BTRC: variants seen among roughly 807,000 people sequenced by gnomAD.
The protein encoded by BTRC is beta-transducin repeat containing E3 ubiquitin protein ligase, also known as F-box/WD repeat-containing protein 1A.
In BTRC, 42 loss-of-function variants were observed where a neutral mutation model predicts 85.5. The observed-to-expected ratio is 0.49, with a 90% CI of 0.38 to 0.64. The LOEUF (loss-of-function observed/expected upper bound fraction) is 0.64. BTRC is among the 30% of genes least tolerant of loss of function. BTRC has a pLI of 0.00. For missense variants in BTRC, 594 were observed against 743.5 expected, an observed-to-expected ratio of 0.80 and a Z score of 2.34; for synonymous variants, 255 against 263.3, an observed-to-expected ratio of 0.97 and a Z score of 0.30.
intron 1 of BTRC, among the ~76,000 whole-genome samples, chr10:101,359,192 A>G (rs925467661): frequency 6.6e-6 from 1 of 152,216 alleles, no homozygotes; most frequent in Non-Finnish European, 1.5e-5. Context: ...TAAACAGATT[A>G]CATTTTAAAA....
At chr10:101,504,826 G>T (rs1231770002) in intron 4 of BTRC, among the ~76,000 whole-genome samples, 1 of 151,680 alleles carries the variant, frequency 6.6e-6, no homozygotes, top group Admixed American at 6.6e-5. Flanking sequence ...TAACAGCAAA[G>T]ATTAATTTTG....
At chr10:101,409,524 G>A (rs901546257) in intron 1 of BTRC, among the ~76,000 whole-genome samples, 1 of 152,138 alleles carries the variant, frequency 6.6e-6, no homozygotes, top group Non-Finnish European at 1.5e-5. Context: ...GTCATCTAGT[G>A]TACTTACACA....
chr10:101,535,577 CTG>C, intron 11 of BTRC, 105 bp downstream of exon 11: 1 of 772,396 alleles, frequency 1.3e-6, no homozygotes, highest in Non-Finnish European at 2.0e-6. Flanking sequence ...TTATAATCAA[CTG>C]TTTTTCCTTT....
At chr10:101,404,181 C>T (rs1010161504) in intron 1 of BTRC, among the ~76,000 whole-genome samples, 1 of 151,252 alleles carries the variant, frequency 6.6e-6, no homozygotes, top group African/African-American at 2.4e-5. Context: ...CAGGTGCCCG[C>T]CATCATGCCT....
rs147236188 is a variant in BTRC, at chr10:101,550,822, C to G, written c.1780C>G (p.Arg594Gly). The G allele has an allele frequency of 6.2e-7, 1 of 1,614,036 alleles. No homozygotes were observed. Among genetic ancestry groups the G allele is most frequent in the Non-Finnish European group, 8.5e-7 (1 of 1,179,940 alleles). The stretch of plus-strand genomic sequence containing the variant: ...TCCAGCTGCCCAAGCTGAACCCCCC[C>G]GTTCCCCTTCTCGAACATACACCTA... Reference protein sequence around the residue: ...NDPAAQAEPPRSPSRTYTYIS... With the variant: ...NDPAAQAEPPGSPSRTYTYIS... Residue 594 changes from arginine (R) to glycine (G), a missense_variant, in exon 14 of 15, where the codon CGT becomes GGT. Arg to Gly is a moderately radical substitution (Grantham distance 125). Coordinates refer to ENST00000370187, the MANE Select transcript of BTRC (RefSeq NM_033637.4).
chr10:101,391,763 G>A (rs975681155), intron 1 of BTRC, among the ~76,000 whole-genome samples: 18 of 152,178 alleles, frequency 1.2e-4, no homozygotes, highest in Admixed American at 5.2e-4. Flanking sequence ...GCCATCATTA[G>A]CTACTATATT....
chr10:101,414,233 T>C (rs1482111835), intron 1 of BTRC, among the ~76,000 whole-genome samples: 1 of 152,188 alleles, frequency 6.6e-6, no homozygotes, highest in Non-Finnish European at 1.5e-5. Context: ...ATGCACTGTA[T>C]AATGACATTT....
At chr10:101,365,512 G>A (rs191447636) in intron 1 of BTRC, among the ~76,000 whole-genome samples, 71 of 150,688 alleles carry the variant, frequency 4.7e-4, no homozygotes, top group African/African-American at 1.7e-3. Context: ...TTTCGCTCTT[G>A]TTGCACAGGC....
intron 1 of BTRC, among the ~76,000 whole-genome samples, chr10:101,409,945 A>C (rs1943731866): frequency 6.6e-6 from 1 of 152,178 alleles, no homozygotes; most frequent in African/African-American, 2.4e-5. Flanking sequence ...TATATACCAA[A>C]ATTGCTATGG....
chr10:101,538,195 C>T, intron 12 of BTRC, 98 bp from the exon 13 acceptor site: 1 of 981,900 alleles, frequency 1.0e-6, no homozygotes, highest in South Asian at 1.3e-5. Flanking sequence ...GAACTATACT[C>T]ACCATCCATA....
rs151289382 is a variant in BTRC at position 101,526,042 on chromosome 10, A to G, written c.586A>G (p.Ile196Val). ...GGGATTGGATCATATTGCTGAGAAC[A>G]TTCTGTCATACCTGGATGCCAAATC... ...ARGLDHIAEN[I>V]LSYLDAKSLC... The change falls in exon 6 of 15, where the codon ATT becomes GTT. Residue 196 changes from isoleucine to valine, a missense_variant. By Grantham distance (29) the Ile-to-Val change is conservative (BLOSUM62 3). Coordinates refer to ENST00000370187, the MANE Select transcript of BTRC (RefSeq NM_033637.4). The G allele has an allele frequency of 1.2e-6, 2 of 1,614,178 alleles. No individual in the cohort carries two copies. Among genetic ancestry groups the G allele is most frequent in the Admixed American group, 1.7e-5 (1 of 60,022 alleles).
Position 101,402,094 on chromosome 10 carries a change from C to T in BTRC, c.49-28251C>T, listed in dbSNP as rs182988745. The stretch of plus-strand genomic sequence containing the variant: ...TTAATTTGCTTTGGGTCATTCTAGT[C>T]TCTCTGGTAAATTCATAATTAGGAA... On this transcript the variant is annotated intron_variant, in intron 1 of 14. Transcript: ENST00000370187. Among the ~76,000 whole-genome samples, 17 of 152,196 alleles carry T rather than the reference C, an allele frequency of 1.1e-4. No individual in the cohort carries two copies. In the East Asian group the frequency reaches 2.9e-3, roughly 26 times the overall value.
intron 3 of BTRC, among the ~76,000 whole-genome samples, chr10:101,473,183 T>A (rs1242385290): frequency 6.7e-6 from 1 of 150,302 alleles, no homozygotes; most frequent in Admixed American, 6.6e-5. Flanking sequence ...TGTTCTTCAG[T>A]TTATATGATT....
chr10:101,490,759 A>G (rs1260172201), intron 4 of BTRC, among the ~76,000 whole-genome samples: 2 of 152,138 alleles, frequency 1.3e-5, no homozygotes, highest in African/African-American at 4.8e-5. Context: ...GTATTCAGAA[A>G]ACTTACTATC....
intron 4 of BTRC, among the ~76,000 whole-genome samples, chr10:101,485,595 C>G (rs921761441): frequency 6.6e-6 from 1 of 152,034 alleles, no homozygotes. Context: ...TTTGAACTAC[C>G]GTGTTTCTGT....
At chr10:101,471,706 G>A (rs1326955785) in intron 3 of BTRC, among the ~76,000 whole-genome samples, 2 of 152,122 alleles carry the variant, frequency 1.3e-5, no homozygotes, top group African/African-American at 4.8e-5. Context: ...ACTTGGGCCT[G>A]TAGTTTTCTT....
chr10:101,546,263 C>G (rs1242512490), intron 13 of BTRC, among the ~76,000 whole-genome samples: 6 of 151,342 alleles, frequency 4.0e-5, no homozygotes, highest in Non-Finnish European at 4.4e-5. Context: ...GAGTAGAAAT[C>G]ATACAGCATA....
chr10:101,455,009 A>C (rs74233229), intron 2 of BTRC, among the ~76,000 whole-genome samples: 4 of 152,116 alleles, frequency 2.6e-5, no homozygotes, highest in East Asian at 3.9e-4. Context: ...CCATTACGAC[A>C]GTAGCAGTGT....
At position 101,517,748 on chromosome 10, in the gene BTRC, T is replaced by C. The variant is rs562089564; in HGVS notation, c.325-3891T>C. 5.3e-5 allele frequency among the ~76,000 whole-genome samples: 8 copies of C among 152,222 alleles called. No homozygotes were observed. The East Asian group carries it at 1.5e-3, about 29-fold the overall frequency. On this transcript the variant is annotated intron_variant, in intron 4 of 14. Transcript: ENST00000370187. Reference sequence around the variant, plus strand: ...CCCCAGCTTCAAACTTGGGTGTGATTTTGTCTCCTTTTTTCTCATACTCAT... The same window carrying C: ...CCCCAGCTTCAAACTTGGGTGTGATCTTGTCTCCTTTTTTCTCATACTCAT...
Sources: allele counts gnomAD v4.1 joint callset (sites outside exome capture counted in the v4.1 genomes callset), GRCh38; gene constraint gnomAD v4.1.1; transcripts MANE v1.5; gene names NCBI Gene and HGNC (gene_info 2026-07-23, HGNC 2026-07-21).